The following MAML2 variants were observed in gnomAD, a reference collection of about 807,000 sequenced individuals.
The protein encoded by MAML2 is mastermind-like protein 2.
MAML2 carries 22 observed loss-of-function variants against 96.1 expected under a neutral mutation model. The ratio of observed to expected loss-of-function variants is 0.23; its 90% CI spans 0.16 to 0.33. The LOEUF (loss-of-function observed/expected upper bound fraction) is 0.33. Ranked by LOEUF, MAML2 falls within the 10% of genes least tolerant of loss-of-function variation. The pLI is 1.00. For synonymous variants in MAML2, 561 were observed against 521.3 expected (o/e 1.08, Z -1.04); for missense variants, 1,367 against 1,392.4 (o/e 0.98, Z 0.29).
chr11:96,083,408 A>G (rs1859558393), intron 2 of MAML2, among the ~76,000 whole-genome samples: 1 of 152,208 alleles, frequency 6.6e-6, no homozygotes, highest in Non-Finnish European at 1.5e-5. Flanking sequence ...TTTCCCCAGC[A>G]TATAGGCCAG....
At chr11:96,021,880 A>G (rs1291769954) in intron 2 of MAML2, among the ~76,000 whole-genome samples, 1 of 152,186 alleles carries the variant, frequency 6.6e-6, no homozygotes, top group Non-Finnish European at 1.5e-5. Context: ...CAGTCCCAGC[A>G]TTCCTCTTTG....
chr11:96,162,653 G>C (rs570745155), intron 1 of MAML2, among the ~76,000 whole-genome samples: 2 of 151,140 alleles, frequency 1.3e-5, no homozygotes, highest in East Asian at 3.9e-4. Context: ...GGAGGTTTCG[G>C]TGAGCCGAGA....
intron 1 of MAML2, among the ~76,000 whole-genome samples, chr11:96,254,165 A>T (rs1003473478): frequency 6.6e-6 from 1 of 152,232 alleles, no homozygotes; most frequent in Admixed American, 6.5e-5. Context: ...AAAAACAGTC[A>T]TCGGAGACTT....
intron 1 of MAML2, among the ~76,000 whole-genome samples, chr11:96,182,124 C>T (rs780598141): frequency 1.2e-4 from 18 of 152,172 alleles, no homozygotes; most frequent in Non-Finnish European, 1.5e-4. Flanking sequence ...TGATTCTCTG[C>T]GTGCCTCCGT....
intron 1 of MAML2, among the ~76,000 whole-genome samples, chr11:96,098,008 C>T (rs754759815): frequency 7.9e-5 from 12 of 152,214 alleles, no homozygotes; most frequent in African/African-American, 2.4e-4. Flanking sequence ...TCTTCCCTTT[C>T]GGCCTCTACC....
chr11:96,298,691 A>T (rs1488753180), intron 1 of MAML2, among the ~76,000 whole-genome samples: 1 of 148,652 alleles, frequency 6.7e-6, no homozygotes, highest in East Asian at 1.9e-4. Flanking sequence ...TTCTATGTAT[A>T]TGTGTGTATG....
intron 1 of MAML2, among the ~76,000 whole-genome samples, chr11:96,116,105 G>T (rs1478114702): frequency 6.6e-6 from 1 of 152,190 alleles, no homozygotes. Flanking sequence ...CAGCAGAGGG[G>T]CATTAAGCTC....
At position 96,342,721 on chromosome 11, in the gene MAML2, T is replaced by C. The variant is rs987424941; in HGVS notation, c.-826A>G. 9.0e-6 allele frequency: 3 copies of C among 331,890 alleles called. No individual in the cohort carries two copies. The highest frequency in any genetic ancestry group is 2.1e-5 in the African/African-American group (1 of 47,656). 20.6% of individuals were successfully genotyped at this position (331,890 alleles called of 1,614,324 possible). A position where few individuals can be genotyped will look rare whatever the true frequency, so the allele number is the denominator to read the frequency against. Reference sequence around the variant, plus strand: ...ATCCAATCACCGGTAAAATCCTCACTCCCTCTAAGGTTTCCTAGCCTTAAA... The same window carrying C: ...ATCCAATCACCGGTAAAATCCTCACCCCCTCTAAGGTTTCCTAGCCTTAAA... On this transcript the variant is annotated 5_prime_UTR_variant, in exon 1 of 5. Coordinates refer to ENST00000524717, the MANE Select transcript of MAML2 (RefSeq NM_032427.4).
intron 1 of MAML2, among the ~76,000 whole-genome samples, chr11:96,212,110 T>TGG (rs1861980548): frequency 3.2e-5 from 1 of 30,994 alleles, no homozygotes; most frequent in Non-Finnish European, 9.9e-5. Flanking sequence ...GAAGACAAAG[T>TGG]GTGTGTGTGT....
chr11:96,199,905 G>C lies in MAML2; in HGVS notation c.514-106388C>G, dbSNP rs768520345. ...AAGTCCCTCTATATTTTATCAATTTGGACGAATGCCAAAATGCAGATCAAT... is the reference window on the plus strand; with the variant it reads ...AAGTCCCTCTATATTTTATCAATTTCGACGAATGCCAAAATGCAGATCAAT... On this transcript the variant is annotated intron_variant, in intron 1 of 4. Coordinates refer to ENST00000524717, the MANE Select transcript of MAML2 (RefSeq NM_032427.4). Among the ~76,000 whole-genome samples, 46 of 152,224 alleles carry C rather than the reference G, an allele frequency of 3.0e-4. 1 individual carries two copies. Among genetic ancestry groups the C allele is most frequent in the Non-Finnish European group, 5.7e-4 (39 of 68,006 alleles).
chr11:96,165,612 C>T (rs936559477), intron 1 of MAML2, among the ~76,000 whole-genome samples: 1 of 151,992 alleles, frequency 6.6e-6, no homozygotes, highest in Non-Finnish European at 1.5e-5. Context: ...TTGTTTCTTG[C>T]ACATAAATTC....
intron 2 of MAML2, among the ~76,000 whole-genome samples, chr11:96,045,910 T>C (rs1490848735): frequency 1.3e-5 from 2 of 151,960 alleles, no homozygotes; most frequent in South Asian, 2.1e-4. Flanking sequence ...CTGTTTTTTT[T>C]TTTTTTTTCC....
chr11:96,343,109 T>C lies in MAML2; in HGVS notation c.-1214A>G. ...TCTTTCTCGTCTGTTGTTAGCCGCT[T>C]TGCTGACACTGGCTCGCGCCCGGAG... On this transcript the variant is annotated 5_prime_UTR_variant, in exon 1 of 5. Transcript: ENST00000524717. 1 of 398,642 alleles carries C rather than the reference T, an allele frequency of 2.5e-6. No individual in the cohort carries two copies. The allele number at this position is 398,642 out of a possible 1,614,324, so 24.7% of individuals were successfully genotyped here. A position where few individuals can be genotyped will look rare whatever the true frequency, so the allele number is the denominator to read the frequency against.
Position 96,342,561 on chromosome 11 carries a change from T to C in MAML2, c.-666A>G, listed in dbSNP as rs1390215735. ...CTTTTGGCTTTTAATTTTTCCTCCC[T>C]TTCCTTTCGCTCCGGTGTTTTCTCC... is the stretch of plus-strand genomic sequence containing the variant. On this transcript the variant is annotated 5_prime_UTR_variant, in exon 1 of 5. Coordinates refer to ENST00000524717, the MANE Select transcript of MAML2 (RefSeq NM_032427.4). 5.0e-6 allele frequency: 2 copies of C among 396,430 alleles called. No individual in the cohort carries two copies. The highest frequency in any genetic ancestry group is 8.9e-6 in the Non-Finnish European group (2 of 225,140). The allele number at this position is 396,430 out of a possible 1,614,324, so 24.6% of individuals were successfully genotyped here.
chr11:96,133,167 T>C (rs1752711863), intron 1 of MAML2, among the ~76,000 whole-genome samples: 2 of 152,200 alleles, frequency 1.3e-5, no homozygotes, highest in South Asian at 2.1e-4. Flanking sequence ...TTATCCAAGG[T>C]ACTTAAATTT....
chr11:96,139,287 C>A (rs900359725), intron 1 of MAML2, among the ~76,000 whole-genome samples: 3 of 152,036 alleles, frequency 2.0e-5, no homozygotes, highest in Non-Finnish European at 4.4e-5. Context: ...ACCATCCTGG[C>A]TAACACAGTG....
intron 1 of MAML2, among the ~76,000 whole-genome samples, chr11:96,124,867 T>G (rs763530537): frequency 1.6e-4 from 25 of 152,150 alleles, no homozygotes; most frequent in Non-Finnish European, 2.9e-4. Context: ...AGAAGCTGCT[T>G]ATGTATTATG....
intron 2 of MAML2, among the ~76,000 whole-genome samples, chr11:96,032,719 A>T (rs1259801588): frequency 2.0e-5 from 3 of 152,202 alleles, no homozygotes; most frequent in Non-Finnish European, 4.4e-5. Context: ...CACTAAAAAG[A>T]ATTGAATTAC....
chr11:96,168,510 A>C (rs1376264752), intron 1 of MAML2, among the ~76,000 whole-genome samples: 1 of 152,170 alleles, frequency 6.6e-6, no homozygotes, highest in Non-Finnish European at 1.5e-5. Flanking sequence ...AAACCCATTA[A>C]ATTTTCATAT....
Sources: allele counts gnomAD v4.1 joint callset (sites outside exome capture counted in the v4.1 genomes callset), GRCh38; gene constraint gnomAD v4.1.1; transcripts MANE v1.5; gene names NCBI Gene and HGNC (gene_info 2026-07-23, HGNC 2026-07-21).